The following FARS2 variants were observed in gnomAD, a reference collection of about 807,000 sequenced individuals.
The protein encoded by FARS2 is phenylalanyl-tRNA synthetase 2, mitochondrial, also known as phenylalanine--tRNA ligase, mitochondrial.
FARS2 carries 40 observed loss-of-function variants against 46.4 expected under a neutral mutation model. The observed-to-expected ratio is 0.86, with a 90% CI of 0.67 to 1.12. The LOEUF is 1.12. Among genes scored for constraint, FARS2 ranks in the 50% most tolerant of loss-of-function variants. FARS2 has a pLI of 0.00. For synonymous variants in FARS2, 234 were observed against 214.9 expected, an observed-to-expected ratio of 1.09 and a Z score of -0.78; for missense variants, 513 against 567.9, an observed-to-expected ratio of 0.90 and a Z score of 0.98.
upstream of FARS2, chr6:5,260,908 C>A (rs542411654): frequency 5.1e-6 from 7 of 1,378,472 alleles, no homozygotes; most frequent in East Asian, 1.8e-4. Context: ...CGGACGGCGC[C>A]AGGCGTCCCG....
chr6:5,691,571 C>T (rs746037374), intron 6 of FARS2, among the ~76,000 whole-genome samples: 90 of 152,234 alleles, frequency 5.9e-4, no homozygotes, highest in East Asian at 5.8e-4. Context: ...GAGGAGTACC[C>T]GGCCGTGTGA....
chr6:5,448,701 GATTT>G (rs1378512303), intron 4 of FARS2, among the ~76,000 whole-genome samples: 2 of 152,120 alleles, frequency 1.3e-5, no homozygotes, highest in African/African-American at 2.4e-5. Context: ...ACATTTATAG[GATTT>G]ATTTCTTGAA....
At chr6:5,378,821 T>C (rs955189118) in intron 2 of FARS2, among the ~76,000 whole-genome samples, 2 of 152,236 alleles carry the variant, frequency 1.3e-5, no homozygotes, top group African/African-American at 4.8e-5. Flanking sequence ...GTTCACATGT[T>C]TACGTAGTCC....
intron 4 of FARS2, among the ~76,000 whole-genome samples, chr6:5,520,954 G>A (rs1769096457): frequency 6.6e-6 from 1 of 152,122 alleles, no homozygotes; most frequent in South Asian, 2.1e-4. Flanking sequence ...AAGAATCAGG[G>A]TAGGCTTCTT....
intron 5 of FARS2, among the ~76,000 whole-genome samples, chr6:5,560,086 A>G (rs1246401488): frequency 2.0e-5 from 3 of 152,298 alleles, no homozygotes; most frequent in Non-Finnish European, 4.4e-5. Context: ...TTCTTTTTGG[A>G]GTAAATTGAA....
At chr6:5,480,943 A>G (rs1357221913) in intron 4 of FARS2, among the ~76,000 whole-genome samples, 1 of 152,228 alleles carries the variant, frequency 6.6e-6, no homozygotes, top group Non-Finnish European at 1.5e-5. Flanking sequence ...GTATGTGCAC[A>G]CGCATACGTG....
intron 6 of FARS2, among the ~76,000 whole-genome samples, chr6:5,711,748 A>G (rs11964464): frequency 0.042 from 6,457 of 152,332 alleles, 445 homozygotes; most frequent in African/African-American, 0.15. Context: ...AGAAGGTGTC[A>G]CAGCCAAGAG....
chr6:5,762,927 G>A (rs999972187), intron 6 of FARS2, among the ~76,000 whole-genome samples: 5 of 152,212 alleles, frequency 3.3e-5, no homozygotes, highest in African/African-American at 9.6e-5. Context: ...CCACAGGAGC[G>A]TCAGGCCCAG....
intron 6 of FARS2, among the ~76,000 whole-genome samples, chr6:5,631,788 C>T (rs1776303690): frequency 6.6e-6 from 1 of 152,198 alleles, no homozygotes; most frequent in Admixed American, 6.5e-5. Flanking sequence ...AAGTTTCATG[C>T]TTCTTGCAAT....
At chr6:5,298,974 T>C (rs1359651813) in intron 1 of FARS2, among the ~76,000 whole-genome samples, 5 of 152,192 alleles carry the variant, frequency 3.3e-5, no homozygotes, top group Non-Finnish European at 5.9e-5. Flanking sequence ...ATTTCTTCTA[T>C]TTTGTTAATT....
the FARS2 span, among the ~76,000 whole-genome samples, chr6:5,254,899 G>C: frequency 6.6e-6 from 1 of 152,130 alleles, no homozygotes; most frequent in Non-Finnish European, 1.5e-5. Flanking sequence ...GTGGGAGGTG[G>C]AGGGGGTATC....
intron 6 of FARS2, among the ~76,000 whole-genome samples, chr6:5,659,319 C>G (rs1777740806): frequency 6.6e-6 from 1 of 152,096 alleles, no homozygotes; most frequent in Admixed American, 6.5e-5. Flanking sequence ...AGGGCTTAGT[C>G]TAGACTTTGA....
intron 6 of FARS2, among the ~76,000 whole-genome samples, chr6:5,722,401 A>C (rs1759970009): frequency 6.6e-6 from 1 of 152,232 alleles, no homozygotes; most frequent in Non-Finnish European, 1.5e-5. Flanking sequence ...GATAGATAAT[A>C]AACAAAATAC....
chr6:5,438,587 TC>T (rs749723609), intron 4 of FARS2, among the ~76,000 whole-genome samples: 1 of 152,184 alleles, frequency 6.6e-6, no homozygotes, highest in Non-Finnish European at 1.5e-5. Flanking sequence ...TATTTTCATT[TC>T]TATCAAGTTT....
intron 1 of FARS2, among the ~76,000 whole-genome samples, chr6:5,271,182 C>G (rs907303388): frequency 2.0e-5 from 3 of 152,128 alleles, no homozygotes; most frequent in Admixed American, 2.0e-4. Context: ...TTTGTCTTCT[C>G]TAACGTAAAT....
intron 1 of FARS2, among the ~76,000 whole-genome samples, chr6:5,300,232 C>T (rs1015376011): frequency 6.6e-6 from 1 of 152,086 alleles, no homozygotes; most frequent in South Asian, 2.1e-4. Context: ...CTTACCTGCT[C>T]CAAAACCTTT....
chr6:5,324,713 T>C (rs1770235463), intron 1 of FARS2, among the ~76,000 whole-genome samples: 1 of 152,180 alleles, frequency 6.6e-6, no homozygotes, highest in Non-Finnish European at 1.5e-5. Context: ...AGCTGTTTAC[T>C]ACCACAACTT....
intron 1 of FARS2, among the ~76,000 whole-genome samples, chr6:5,330,252 T>C (rs1444739964): frequency 6.6e-6 from 1 of 152,196 alleles, no homozygotes; most frequent in Non-Finnish European, 1.5e-5. Flanking sequence ...ATATAGATAT[T>C]ATTATATCAG....
intron 4 of FARS2, chr6:5,457,926 CTTTG>C (rs995348211): frequency 6.6e-6 from 1 of 152,218 alleles, no homozygotes; most frequent in Non-Finnish European, 1.5e-5. Flanking sequence ...ACAAATTATG[CTTTG>C]TTTGCTGAAA....
Sources: allele counts gnomAD v4.1 joint callset (sites outside exome capture counted in the v4.1 genomes callset), GRCh38; gene constraint gnomAD v4.1.1; transcripts MANE v1.5; gene names NCBI Gene and HGNC (gene_info 2026-07-23, HGNC 2026-07-21).